The following STK17B variants were observed in gnomAD, a reference collection of about 807,000 sequenced individuals.
STK17B encodes the protein serine/threonine-protein kinase 17B.
In STK17B, 21 loss-of-function variants were observed where a neutral mutation model predicts 42.0. The ratio of observed to expected loss-of-function variants is 0.50; its 90% CI spans 0.35 to 0.72. The LOEUF (loss-of-function observed/expected upper bound fraction) is 0.72, where lower values mean the gene tolerates loss of function less well. Ranked by LOEUF, STK17B falls within the 30% of genes least tolerant of loss-of-function variation. The pLI, the probability that STK17B is intolerant of heterozygous loss-of-function variation, is 0.00. For synonymous variants in STK17B, 143 were observed against 148.4 expected (o/e 0.96, Z 0.26); for missense variants, 349 against 446.0 (o/e 0.78, Z 1.96).
At chr2:196,149,446 G>A (rs1012878742) in intron 3 of STK17B, among the ~76,000 whole-genome samples, 1 of 152,150 alleles carries the variant, frequency 6.6e-6, no homozygotes, top group Admixed American at 6.5e-5. Flanking sequence ...TTACAGGCAT[G>A]AGCCACTGGG....
In STK17B at chr2:196,133,918, C is replaced by T. The variant is rs1699358266; in HGVS notation, c.*3529G>A. On this transcript the variant is annotated 3_prime_UTR_variant, in exon 8 of 8. Transcript: ENST00000263955. ...AATTATAAATTGATAATAATCCCCC[C>T]AAACTGAAGTGAAATACTTTTAATA... 6.6e-6 allele frequency: 1 copy of T among 152,080 alleles called. No homozygotes were observed. The highest frequency in any genetic ancestry group is 2.4e-5 in the African/African-American group (1 of 41,408). 9.4% of individuals were successfully genotyped at this position (152,080 alleles called of 1,614,324 possible).
chr2:196,154,173 G>T (rs1182999548), intron 3 of STK17B: 1 of 152,168 alleles, frequency 6.6e-6, no homozygotes, highest in Admixed American at 6.6e-5. Flanking sequence ...GGCAGAGGTT[G>T]CAGTAAGCTG....
chr2:196,137,842 C>T (rs961562495), intron 7 of STK17B, 113 bp from the exon 8 acceptor site: 10 of 1,190,506 alleles, frequency 8.4e-6, no homozygotes, highest in Admixed American at 2.8e-5. Context: ...AAAACATACT[C>T]ATAGTATAAA....
At chr2:196,158,325 C>T (rs1242635890) in intron 2 of STK17B, among the ~76,000 whole-genome samples, 3 of 152,064 alleles carry the variant, frequency 2.0e-5, no homozygotes, top group African/African-American at 7.2e-5. Flanking sequence ...AAATTGATGT[C>T]AGTGGAAAGT....
intron 3 of STK17B, 62 bp from the exon 4 acceptor site, chr2:196,146,117 T>C: frequency 6.9e-7 from 1 of 1,444,482 alleles, no homozygotes; most frequent in South Asian, 1.4e-5. Context: ...TTTTAAATAT[T>C]GTGTACCTGT....
In STK17B at chr2:196,163,407, T is replaced by G. The variant is rs1488737246; in HGVS notation, c.-24A>C. On this transcript the variant is annotated 5_prime_UTR_variant, in exon 2 of 8. Transcript: ENST00000263955. ...ATGTTAGGTGATTCCCAGGTCTGCT[T>G]CTTTAGTCACTTATTTTTACCTATG... 1 of 1,558,924 alleles carries G rather than the reference T, an allele frequency of 6.4e-7. No homozygotes were observed. The highest frequency in any genetic ancestry group is 8.6e-7 in the Non-Finnish European group (1 of 1,161,016).
At chr2:196,158,736 A>AC (rs1162625588) in intron 2 of STK17B, among the ~76,000 whole-genome samples, 2 of 97,088 alleles carry the variant, frequency 2.1e-5, no homozygotes, top group South Asian at 3.8e-4. Context: ...GTTGGGCCAG[A>AC]CGTGGTGGCT....
chr2:196,160,670 AG>A (rs757766265), intron 2 of STK17B, among the ~76,000 whole-genome samples: 1 of 152,214 alleles, frequency 6.6e-6, no homozygotes, highest in Non-Finnish European at 1.5e-5. Context: ...TAATTTATCA[AG>A]ATCTAATAAT....
At chr2:196,159,783 G>T (rs940239848) in intron 2 of STK17B, among the ~76,000 whole-genome samples, 7 of 152,158 alleles carry the variant, frequency 4.6e-5, no homozygotes, top group African/African-American at 1.7e-4. Flanking sequence ...TCTACAGTTT[G>T]TTAACACATA....
chr2:196,159,016 A>AC (rs1415223041), intron 2 of STK17B, among the ~76,000 whole-genome samples: 2 of 151,580 alleles, frequency 1.3e-5, no homozygotes, highest in Admixed American at 6.6e-5. Flanking sequence ...GTCTCAAAAA[A>AC]AAAAAAAACA....
At chr2:196,163,240 A>T in intron 2 of STK17B, 22 bp downstream of exon 2, 1 of 1,607,180 alleles carries the variant, frequency 6.2e-7, no homozygotes, top group Non-Finnish European at 8.5e-7. Flanking sequence ...TAGATGGCAT[A>T]CACGTCATAT....
Position 196,156,577 on chromosome 2 carries a change from T to A in STK17B, c.197A>T (p.Lys66Met). ...GQEYAAKFLKKRRRGQDCRAE... is the reference protein window; with the variant it reads ...GQEYAAKFLKMRRRGQDCRAE... ...TCGACAATCCTGTCCTCTTCTTCTC[T>A]TTTTTAGAAATTTTGCAGCATATTC... The change falls in exon 3 of 8, where the codon AAG becomes ATG. Residue 66 changes from lysine to methionine, a missense_variant. Lys to Met is a moderately conservative substitution (Grantham distance 95, BLOSUM62 -1). This residue lies in a region of STK17B where 256 missense variants were observed against 347.7 expected (regional missense o/e 0.74). Transcript: ENST00000263955. The A allele has an allele frequency of 6.2e-7, 1 of 1,613,864 alleles. No homozygotes were observed. Among genetic ancestry groups the A allele is most frequent in the Non-Finnish European group, 8.5e-7 (1 of 1,179,836 alleles).
chr2:196,161,509 TTC>T (rs1242065671), intron 2 of STK17B, among the ~76,000 whole-genome samples: 2 of 124,728 alleles, frequency 1.6e-5, no homozygotes, highest in African/African-American at 3.0e-5. Flanking sequence ...GATATTATAA[TTC>T]TTTTTTTTTT....
intron 3 of STK17B, among the ~76,000 whole-genome samples, chr2:196,147,162 TAC>T (rs1247555919): frequency 5.3e-5 from 8 of 152,210 alleles, no homozygotes; most frequent in Non-Finnish European, 1.0e-4. Flanking sequence ...AAAACATTTA[TAC>T]AGTTATTCAT....
Position 196,167,179 on chromosome 2 carries a change from C to T in STK17B, c.-44-3752G>A, listed in dbSNP as rs142167632. ...CCCAGGAAGCTTTGCCTAAAAACCA[C>T]AGGCTGATTTAAAGGCTTCTCCTTT... On this transcript the variant is annotated intron_variant, in intron 1 of 7. Transcript: ENST00000263955. 9.1e-4 allele frequency among the ~76,000 whole-genome samples: 138 copies of T among 152,350 alleles called. 2 individuals carry two copies. Among genetic ancestry groups the T allele is most frequent in the African/African-American group, 3.2e-3 (134 of 41,588 alleles).
chr2:196,149,103 G>A (rs548313197), intron 3 of STK17B, among the ~76,000 whole-genome samples: 4 of 151,700 alleles, frequency 2.6e-5, no homozygotes, highest in African/African-American at 9.7e-5. Context: ...AAAGCAGATC[G>A]TTTCAATAAA....
chr2:196,147,861 A>G (rs1402454495), intron 3 of STK17B, among the ~76,000 whole-genome samples: 1 of 151,684 alleles, frequency 6.6e-6, no homozygotes, highest in African/African-American at 2.4e-5. Context: ...CCTCCCGAGT[A>G]GCTGGGACTA....
chr2:196,167,354 A>T (rs572771091), intron 1 of STK17B, among the ~76,000 whole-genome samples: 5 of 152,324 alleles, frequency 3.3e-5, no homozygotes, highest in Middle Eastern at 6.8e-3. Context: ...TAGGAATTTT[A>T]AAAATGTTTG....
chr2:196,152,857 C>T (rs936591475), intron 3 of STK17B, among the ~76,000 whole-genome samples: 3 of 151,996 alleles, frequency 2.0e-5, no homozygotes, highest in Admixed American at 2.0e-4. Flanking sequence ...TGGAAGAGAG[C>T]AGAAGGAATA....
Sources: gnomAD v4.1 joint callset for allele counts (sites outside exome capture counted in the v4.1 genomes callset) on GRCh38, gnomAD v4.1.1 for gene constraint, gnomAD v4.1.1 regional missense constraint, MANE v1.5 for transcripts, NCBI Gene and HGNC (gene_info 2026-07-23, HGNC 2026-07-21) for gene names.